The following UBR4 variants were observed in gnomAD, a reference collection of about 807,000 sequenced individuals.
The protein encoded by UBR4 is E3 ubiquitin-protein ligase UBR4.
UBR4 carries 124 observed loss-of-function variants against 575.6 expected under a neutral mutation model. The observed-to-expected ratio is 0.22, with a 90% CI of 0.19 to 0.25. The LOEUF is 0.25. Ranked by LOEUF, UBR4 falls within the 10% of genes least tolerant of loss-of-function variation. The probability of loss-of-function intolerance (pLI) is 1.00; values close to 1 mark genes in which losing one functional copy is unlikely to be tolerated. For missense variants in UBR4, 4,818 were observed against 6,478.8 expected (o/e 0.74, Z 8.80); for synonymous variants, 2,455 against 2,473.7 (o/e 0.99, Z 0.22).
At position 19,185,279 on chromosome 1, in the gene UBR4, G is replaced by A. The variant is rs1180099314; in HGVS notation, c.1758C>T (p.Asp586=). ...STEEDSSQDD[D]SEPILGQWFE... The stretch of plus-strand genomic sequence containing the variant: ...ACCATTGCCCCAAAATAGGCTCACT[G>A]TCATCGTCTGAATAGAGAAAGATAA... The change falls in exon 15 of 106, where the codon GAC becomes GAT. Residue 586 remains aspartate, a synonymous_variant. Coordinates refer to ENST00000375254, the MANE Select transcript of UBR4 (RefSeq NM_020765.3). 1.3e-6 allele frequency: 2 copies of A among 1,563,092 alleles called. No individual in the cohort carries two copies. The highest frequency in any genetic ancestry group is 2.8e-5 in the African/African-American group (2 of 72,196).
intron 68 of UBR4, 55 bp from the exon 69 acceptor site, chr1:19,120,403 T>A: frequency 6.4e-7 from 1 of 1,573,932 alleles, no homozygotes; most frequent in Non-Finnish European, 8.7e-7. Flanking sequence ...TCCTCCAGGG[T>A]CCTAAGGCCT....
chr1:19,086,116 T>G (rs1167463971), intron 101 of UBR4, 29 bp downstream of exon 101: 1 of 1,611,612 alleles, frequency 6.2e-7, no homozygotes, highest in East Asian at 2.2e-5. Flanking sequence ...ATCCCCTCCA[T>G]TCCACCATGA....
At chr1:19,200,493 TGGGTGGATCACTTCGGGAGGCTGAGGC>T (rs1173344600) in intron 2 of UBR4, among the ~76,000 whole-genome samples, 74 of 151,936 alleles carry the variant, frequency 4.9e-4, no homozygotes, top group African/African-American at 1.7e-3. Flanking sequence ...GAGGCTGAGG[TGGGTGGATCACTTCGGGAGGCTGAGGC>T]GGGTGGATCA....
chr1:19,174,887 C>A (rs1049611587), intron 21 of UBR4, 67 bp downstream of exon 21: 50 of 1,442,600 alleles, frequency 3.5e-5, no homozygotes, highest in Middle Eastern at 1.8e-4. Flanking sequence ...CCTTTCCCCC[C>A]AGTAGGCTGA....
chr1:19,113,591 C>G lies in UBR4; in HGVS notation c.11457+108G>C. On this transcript the variant is annotated intron_variant, in intron 77 of 105. Transcript: ENST00000375254. ...CCTTTTCAGCTAGATTGGGCAGGGA[C>G]AACACCAAGACCTGGACTGCTAGAT... is the stretch of plus-strand genomic sequence containing the variant. The G allele has an allele frequency of 2.0e-6, 3 of 1,524,276 alleles. No homozygotes were observed. In the South Asian group the frequency reaches 3.8e-5, roughly 19 times the overall value. 94.4% of individuals were successfully genotyped at this position (1,524,276 alleles called of 1,614,324 possible).
chr1:19,207,761 T>C (rs898074602), intron 1 of UBR4, among the ~76,000 whole-genome samples: 1 of 151,974 alleles, frequency 6.6e-6, no homozygotes, highest in African/African-American at 2.4e-5. Flanking sequence ...TGTTTTTGTA[T>C]GGCTAAGAGT....
chr1:19,198,638 A>G lies in UBR4; in HGVS notation c.551T>C (p.Leu184Ser). The change falls in exon 5 of 106, where the codon TTG (leucine) becomes TCG (serine). Residue 184 changes from leucine (L) to serine (S), a missense_variant. Transcript: ENST00000375254. Reference sequence around the variant, plus strand: ...ATTCATCTGTACCTCCTTTTGCCTCAACTCAGGGCTTACTGGTGAGGCCAG... The same window carrying G: ...ATTCATCTGTACCTCCTTTTGCCTCGACTCAGGGCTTACTGGTGAGGCCAG... ...KELASPVSPE[L>S]RQKEVQMNFL... The G allele has an allele frequency of 6.2e-7, 1 of 1,614,174 alleles. No homozygotes were observed. Among genetic ancestry groups the G allele is most frequent in the South Asian group, 1.1e-5 (1 of 91,088 alleles).
intron 55 of UBR4, among the ~76,000 whole-genome samples, chr1:19,142,491 A>G (rs1204437169): frequency 1.3e-5 from 2 of 152,250 alleles, no homozygotes; most frequent in Non-Finnish European, 2.9e-5. Flanking sequence ...GCTAGGGAAA[A>G]GAGCCACAAA....
chr1:19,151,279 C>G (rs1167472128), intron 48 of UBR4: 3 of 357,994 alleles, frequency 8.4e-6, no homozygotes, highest in Non-Finnish European at 1.5e-5. Context: ...TGCCAACCAT[C>G]TCTCAGCCAT....
chr1:19,126,015 G>A (rs969819597), intron 64 of UBR4, among the ~76,000 whole-genome samples: 1 of 152,140 alleles, frequency 6.6e-6, no homozygotes, highest in Non-Finnish European at 1.5e-5. Context: ...CATGCTTCAA[G>A]ACTGGTAAGT....
chr1:19,169,413 C>G (rs1457381338), intron 27 of UBR4, 22 bp downstream of exon 27: 1 of 1,601,828 alleles, frequency 6.2e-7, no homozygotes, highest in East Asian at 2.2e-5. Flanking sequence ...GTATTTCTAC[C>G]CTGGAACAGA....
In UBR4 at chr1:19,193,499, C is replaced by T; in HGVS notation, c.1077G>A (p.Arg359=). The T allele has an allele frequency of 1.2e-6, 2 of 1,614,196 alleles. No homozygotes were observed. Among genetic ancestry groups the T allele is most frequent in the Non-Finnish European group, 1.7e-6 (2 of 1,180,038 alleles). ...CTTCTTTGGAGCTCGTGGACCCTGT[C>T]CGCACTTGCTGGGCACTACCCACAT... ...ILHVGSAQQV[R]TGSTSSKEDD... The change falls in exon 9 of 106, where the codon CGG becomes CGA. Residue 359 remains arginine (R), a synonymous_variant. Transcript: ENST00000375254.
chr1:19,163,702 G>T, intron 34 of UBR4, 62 bp downstream of exon 34: 1 of 1,559,204 alleles, frequency 6.4e-7, no homozygotes, highest in Non-Finnish European at 8.8e-7. Flanking sequence ...ACTTCCACCT[G>T]ACCACAGAGG....
chr1:19,109,775 C>T (rs1393899696), intron 81 of UBR4, among the ~76,000 whole-genome samples: 1 of 152,258 alleles, frequency 6.6e-6, no homozygotes, highest in Non-Finnish European at 1.5e-5. Context: ...CACAGCACTG[C>T]ATGTGCAAAG....
chr1:19,149,739 A>T, intron 49 of UBR4: 1 of 1,301,614 alleles, frequency 7.7e-7, no homozygotes, highest in Non-Finnish European at 1.0e-6. Flanking sequence ...ACTCGTGCAG[A>T]GAAAAGAAAG....
chr1:19,164,494 G>T, intron 32 of UBR4, 53 bp from the exon 33 acceptor site: 1 of 1,554,560 alleles, frequency 6.4e-7, no homozygotes, highest in Non-Finnish European at 8.8e-7. Flanking sequence ...ATCTCATTCT[G>T]TGTGTTATAA....
At position 19,151,950 on chromosome 1, in the gene UBR4, G is replaced by T. The variant is rs190702825; in HGVS notation, c.6997-91C>A. The T allele has an allele frequency of 1.6e-4, 188 of 1,196,616 alleles. 3 individuals carry two copies. Among genetic ancestry groups the T allele is most frequent in the Non-Finnish European group, 5.8e-6 (5 of 865,500 alleles). The allele number at this position is 1,196,616 out of a possible 1,614,324, so 74.1% of individuals were successfully genotyped here. On this transcript the variant is annotated intron_variant, in intron 47 of 105. Coordinates refer to ENST00000375254, the MANE Select transcript of UBR4 (RefSeq NM_020765.3). ...CTTCTCTGACATTGTCTCAACATGT[G>T]AAGCTCATTAAAACTTATCCTTTTA...
At chr1:19,147,389 G>A (rs769311575) in intron 51 of UBR4, among the ~76,000 whole-genome samples, 2 of 152,156 alleles carry the variant, frequency 1.3e-5, no homozygotes, top group Admixed American at 6.5e-5. Flanking sequence ...ACATTTCTCA[G>A]TTCTCCGGGT....
At chr1:19,122,738 A>T in intron 66 of UBR4, 95 bp downstream of exon 66, 2 of 1,372,318 alleles carry the variant, frequency 1.5e-6, no homozygotes, top group Non-Finnish European at 2.1e-6. Flanking sequence ...CAACACAGTT[A>T]AAAGTCCTGC....
Sources: gnomAD v4.1 joint callset for allele counts (sites outside exome capture counted in the v4.1 genomes callset) on GRCh38, gnomAD v4.1.1 for gene constraint, MANE v1.5 for transcripts, NCBI Gene and HGNC (gene_info 2026-07-23, HGNC 2026-07-21) for gene names.